Variants in ITPR1 observed in about 807,000 individuals in gnomAD.
The protein encoded by ITPR1 is inositol 1,4,5-trisphosphate receptor type 1.
A neutral mutation model predicts 318.4 loss-of-function variants in ITPR1; 96 were observed. The ratio of observed to expected loss-of-function variants is 0.30; its 90% CI spans 0.26 to 0.36. The LOEUF is 0.36. Ranked by LOEUF, ITPR1 falls within the 10% of genes least tolerant of loss-of-function variation. ITPR1 has a pLI of 1.00. For missense variants in ITPR1, 2,440 were observed against 3,460.2 expected (o/e 0.71, Z 7.40); for synonymous variants, 1,312 against 1,289.9 (o/e 1.02, Z -0.37).
At chr3:4,651,517 G>C (rs1191455019) in intron 10 of ITPR1, among the ~76,000 whole-genome samples, 1 of 152,184 alleles carries the variant, frequency 6.6e-6, no homozygotes, top group East Asian at 1.9e-4. Flanking sequence ...TCACCATTGT[G>C]TACCACCAGT....
chr3:4,805,575 C>T (rs2048502351), intron 54 of ITPR1, among the ~76,000 whole-genome samples: 1 of 152,026 alleles, frequency 6.6e-6, no homozygotes, highest in African/African-American at 2.4e-5. Flanking sequence ...TCCTGAAGTC[C>T]CTTATATTTT....
intron 48 of ITPR1, among the ~76,000 whole-genome samples, chr3:4,777,788 C>CA (rs34204694): frequency 0.94 from 137,341 of 146,346 alleles, 64,538 homozygotes; most frequent in East Asian, 0.98. Flanking sequence ...TATCTAGGAC[C>CA]AAAAAAAAAA....
intron 34 of ITPR1, 141 bp downstream of exon 34, chr3:4,697,413 T>C (rs1157061724): frequency 2.8e-6 from 2 of 706,554 alleles, no homozygotes; most frequent in East Asian, 5.9e-5. Context: ...ATCCGTGGCA[T>C]GAGGAGGCAC....
intron 42 of ITPR1, among the ~76,000 whole-genome samples, chr3:4,728,124 G>A (rs562092995): frequency 3.3e-5 from 5 of 152,342 alleles, no homozygotes; most frequent in African/African-American, 9.6e-5. Flanking sequence ...ATGAATGAAT[G>A]TGTGCATCTT....
At chr3:4,688,853 G>A (rs2094437852) in intron 31 of ITPR1, among the ~76,000 whole-genome samples, 1 of 152,212 alleles carries the variant, frequency 6.6e-6, no homozygotes, top group South Asian at 2.1e-4. Flanking sequence ...GATAAAGTAA[G>A]ATACGTGTCT....
At chr3:4,822,956 T>G (rs1452330370) in intron 60 of ITPR1, among the ~76,000 whole-genome samples, 2 of 152,252 alleles carry the variant, frequency 1.3e-5, no homozygotes, top group Admixed American at 1.3e-4. Flanking sequence ...GTTTTGGTGA[T>G]AGCCTTTTTT....
Position 4,831,410 on chromosome 3 carries a change from C to G in ITPR1, c.8029-5364C>G, listed in dbSNP as rs1481750766. On this transcript the variant is annotated intron_variant, in intron 60 of 61. Coordinates refer to ENST00000649015, the MANE Select transcript of ITPR1 (RefSeq NM_001378452.1). Reference sequence around the variant, plus strand: ...TGTACTGGCTGGATTGTAGGAGGACCGGGGCAGACAGTGCCTAATGACATC... The same window carrying G: ...TGTACTGGCTGGATTGTAGGAGGACGGGGGCAGACAGTGCCTAATGACATC... The G allele has an allele frequency of 6.8e-5, 12 of 175,638 alleles. No individual in the cohort carries two copies. In the East Asian group the frequency reaches 9.9e-4, roughly 14 times the overall value. The allele number at this position is 175,638 out of a possible 1,614,324, so 10.9% of individuals were successfully genotyped here. A position where few individuals can be genotyped will look rare whatever the true frequency, so the allele number is the denominator to read the frequency against.
rs1240433234 is a variant in ITPR1 at position 4,661,051 on chromosome 3, T to C, written c.1215T>C (p.Pro405=). The C allele has an allele frequency of 1.9e-6, 3 of 1,610,736 alleles. No homozygotes were observed. The East Asian group carries it at 6.7e-5, about 36-fold the overall frequency. ...CCTGGGTTCACAGCACAAATATTCC[T>C]ATTGACAAGGAAGAAGAAAAGCCCG... The part of the protein sequence containing the change: ...TNTWVHSTNI[P]IDKEEEKPVM... Residue 405 remains proline (P), a synonymous_variant, in exon 14 of 62, where the codon CCT becomes CCC. Transcript: ENST00000649015.
At chr3:4,610,821 T>C (rs1181157740) in intron 4 of ITPR1, among the ~76,000 whole-genome samples, 11 of 151,630 alleles carry the variant, frequency 7.3e-5, no homozygotes, top group Non-Finnish European at 1.5e-4. Flanking sequence ...GAGTGGCAAA[T>C]TTTCTTTTTC....
intron 61 of ITPR1, among the ~76,000 whole-genome samples, chr3:4,838,884 G>A (rs372003045): frequency 9.9e-5 from 15 of 151,988 alleles, no homozygotes; most frequent in Admixed American, 2.0e-4. Context: ...ACCAGGCAAC[G>A]CCTCCCTACA....
chr3:4,556,113 A>G (rs890044702), intron 4 of ITPR1, among the ~76,000 whole-genome samples: 6 of 152,156 alleles, frequency 3.9e-5, no homozygotes, highest in Non-Finnish European at 8.8e-5. Context: ...TAGTTAAAAA[A>G]CTTTATTATT....
Position 4,536,971 on chromosome 3 carries a change from C to T in ITPR1, c.163+15877C>T, listed in dbSNP as rs547919297. ...GGGATTTTTTGGGGTCAATCCCAGACGAACAGCTGAATTGCATGAAGGACA... is the reference window on the plus strand; with the variant it reads ...GGGATTTTTTGGGGTCAATCCCAGATGAACAGCTGAATTGCATGAAGGACA... On this transcript the variant is annotated intron_variant, in intron 4 of 61. Transcript: ENST00000649015. 1.1e-4 allele frequency among the ~76,000 whole-genome samples: 16 copies of T among 152,278 alleles called. No individual in the cohort carries two copies. In the East Asian group the frequency reaches 2.5e-3, roughly 24 times the overall value.
intron 44 of ITPR1, among the ~76,000 whole-genome samples, chr3:4,738,949 G>T (rs906956395): frequency 6.6e-6 from 1 of 151,826 alleles, no homozygotes; most frequent in African/African-American, 2.4e-5. Context: ...CCGCTTCTGT[G>T]ACCCCTGGGG....
chr3:4,756,957 C>A (rs2045044932), intron 44 of ITPR1, among the ~76,000 whole-genome samples: 1 of 152,244 alleles, frequency 6.6e-6, no homozygotes, highest in Non-Finnish European at 1.5e-5. Context: ...GTTTTTCACA[C>A]CTACTGTTTC....
chr3:4,672,501 T>C (rs962369195), intron 20 of ITPR1, among the ~76,000 whole-genome samples: 1 of 152,248 alleles, frequency 6.6e-6, no homozygotes, highest in African/African-American at 2.4e-5. Flanking sequence ...TTCAAGTATG[T>C]TTACTCTTTC....
intron 4 of ITPR1, among the ~76,000 whole-genome samples, chr3:4,542,762 C>G (rs150514125): frequency 6.6e-6 from 1 of 152,150 alleles, no homozygotes; most frequent in African/African-American, 2.4e-5. Context: ...TTTATCCCCT[C>G]TACCTGGCAC....
rs145303861 is a variant in ITPR1, at chr3:4,498,800, A to C, written c.-17+4294A>C. Among the ~76,000 whole-genome samples the C allele has an allele frequency of 1.4e-3, 217 of 152,324 alleles. 1 individual carries two copies. The highest frequency in any genetic ancestry group is 2.7e-3 in the Non-Finnish European group (184 of 68,030). ...AACATAATGATAATCCTGGAGTTTC[A>C]ACACAAACCTATGTCTTACCGCCAC... On this transcript the variant is annotated intron_variant, in intron 2 of 61. Transcript: ENST00000649015.
chr3:4,717,332 T>A, intron 39 of ITPR1, 35 bp from the exon 40 acceptor site: 1 of 1,546,180 alleles, frequency 6.5e-7, no homozygotes. Context: ...TTCCTAACAT[T>A]TCCTTCTCTC....
At chr3:4,600,217 G>C (rs1446607161) in intron 4 of ITPR1, among the ~76,000 whole-genome samples, 1 of 152,136 alleles carries the variant, frequency 6.6e-6, no homozygotes, top group African/African-American at 2.4e-5. Context: ...GCATACCACA[G>C]TTTCCACTCA....
Sources: gnomAD v4.1 joint callset for allele counts (sites outside exome capture counted in the v4.1 genomes callset) on GRCh38, gnomAD v4.1.1 for gene constraint, MANE v1.5 for transcripts, NCBI Gene and HGNC (gene_info 2026-07-23, HGNC 2026-07-21) for gene names.